MBNL1: variants seen among roughly 807,000 people sequenced by gnomAD.
The protein encoded by MBNL1 is muscleblind like splicing regulator 1.
Under a neutral mutation model 42.2 loss-of-function variants are expected in MBNL1, and 8 were observed. The ratio of observed to expected loss-of-function variants is 0.19; its 90% CI spans 0.11 to 0.34. The LOEUF (loss-of-function observed/expected upper bound fraction) is 0.34, where lower values mean the gene tolerates loss of function less well. MBNL1 is among the 10% of genes least tolerant of loss of function. The pLI is 1.00. For missense variants in MBNL1, 309 were observed against 495.3 expected (o/e 0.62, Z 3.57); for synonymous variants, 169 against 173.9 (o/e 0.97, Z 0.22).
intron 2 of MBNL1, among the ~76,000 whole-genome samples, chr3:152,401,567 A>G (rs1176195299): frequency 1.3e-5 from 2 of 152,152 alleles, no homozygotes; most frequent in Non-Finnish European, 2.9e-5. Flanking sequence ...AAGTGAAGGT[A>G]CGGCTTGGGC....
chr3:152,425,188 C>T (rs1477036709), intron 3 of MBNL1, among the ~76,000 whole-genome samples: 1 of 150,998 alleles, frequency 6.6e-6, no homozygotes, highest in Non-Finnish European at 1.5e-5. Context: ...CCAGAATCTA[C>T]AAATAACTTA....
intron 3 of MBNL1, among the ~76,000 whole-genome samples, chr3:152,417,793 C>G (rs1158931196): frequency 6.6e-6 from 1 of 152,182 alleles, no homozygotes; most frequent in Non-Finnish European, 1.5e-5. Flanking sequence ...AGCCCAGTTA[C>G]AGAGGCTGCA....
chr3:152,261,745 T>A (rs1171972365), intron 2 of MBNL1, among the ~76,000 whole-genome samples: 1 of 152,208 alleles, frequency 6.6e-6, no homozygotes, highest in Non-Finnish European at 1.5e-5. Flanking sequence ...ACAACAAACT[T>A]TCTCCTCATG....
chr3:152,372,391 T>A (rs2096705904), intron 2 of MBNL1, among the ~76,000 whole-genome samples: 1 of 152,204 alleles, frequency 6.6e-6, no homozygotes, highest in African/African-American at 2.4e-5. Flanking sequence ...GTTTTTGGAA[T>A]TTTCAGCCTT....
chr3:152,449,440 A>C (rs1029273063), intron 6 of MBNL1: 1 of 152,206 alleles, frequency 6.6e-6, no homozygotes, highest in Non-Finnish European at 1.5e-5. Flanking sequence ...CTATTTAAAG[A>C]AAGCTGAAAA....
At position 152,367,491 on chromosome 3, in the gene MBNL1, G is replaced by A. The variant is rs567418977; in HGVS notation, c.175-47450G>A. ...GGGAATAGTGCTGCAATAAATATAC[G>A]TGTTCATGTGTCTTTATAGTAGAAT... On this transcript the variant is annotated intron_variant, in intron 2 of 9. Transcript: ENST00000324210. Among the ~76,000 whole-genome samples, 22 of 152,190 alleles carry A rather than the reference G, an allele frequency of 1.4e-4. No individual in the cohort carries two copies. In the South Asian group the frequency reaches 1.7e-3, roughly 11 times the overall value.
chr3:152,363,098 G>T (rs1165434695), intron 2 of MBNL1, among the ~76,000 whole-genome samples: 1 of 152,140 alleles, frequency 6.6e-6, no homozygotes, highest in Non-Finnish European at 1.5e-5. Context: ...AGGAGAAATA[G>T]AATTGCATAT....
At chr3:152,270,459 C>CCAG (rs1296796417) in intron 1 of MBNL1, among the ~76,000 whole-genome samples, 2 of 152,142 alleles carry the variant, frequency 1.3e-5, no homozygotes, top group Non-Finnish European at 2.9e-5. Context: ...GTATTCTATA[C>CCAG]CAGCACAAGA....
chr3:152,377,280 TG>T (rs1488240786), intron 2 of MBNL1, among the ~76,000 whole-genome samples: 1 of 152,202 alleles, frequency 6.6e-6, no homozygotes, highest in African/African-American at 2.4e-5. Context: ...CCTTTGAATC[TG>T]GGTTGATTTG....
intron 2 of MBNL1, among the ~76,000 whole-genome samples, chr3:152,395,776 C>A: frequency 6.6e-6 from 1 of 152,210 alleles, no homozygotes; most frequent in East Asian, 1.9e-4. Flanking sequence ...GCCTTTACCC[C>A]AAACAGATTG....
intron 1 of MBNL1, among the ~76,000 whole-genome samples, chr3:152,296,536 T>G (rs1014887744): frequency 6.6e-5 from 10 of 152,250 alleles, no homozygotes; most frequent in African/African-American, 1.9e-4. Context: ...CTAATGAACA[T>G]GGAGAAAGAG....
intron 2 of MBNL1, among the ~76,000 whole-genome samples, chr3:152,412,149 A>G (rs1275600100): frequency 1.3e-5 from 2 of 152,246 alleles, no homozygotes; most frequent in African/African-American, 4.8e-5. Flanking sequence ...TGTATATTCT[A>G]ACTTATTTTT....
chr3:152,457,296 A>T (rs1474554339), intron 8 of MBNL1, among the ~76,000 whole-genome samples: 2 of 152,224 alleles, frequency 1.3e-5, no homozygotes, highest in Admixed American at 6.5e-5. Context: ...CATAGAGCCA[A>T]GCCACATTTC....
intron 2 of MBNL1, among the ~76,000 whole-genome samples, chr3:152,375,685 G>A (rs985043313): frequency 6.6e-6 from 1 of 152,032 alleles, no homozygotes; most frequent in Non-Finnish European, 1.5e-5. Context: ...CCAGGTCTTC[G>A]ATGTGTGCCT....
At chr3:152,443,180 AC>A (rs34456724) in intron 4 of MBNL1, among the ~76,000 whole-genome samples, 69,905 of 141,622 alleles carry the variant, frequency 0.49, 17,582 homozygotes, top group East Asian at 0.72. Flanking sequence ...ACCTGTAGAA[AC>A]CCCCCCCCCC....
At chr3:152,312,203 A>AC (rs1553805269) in intron 2 of MBNL1, among the ~76,000 whole-genome samples, 53 of 151,218 alleles carry the variant, frequency 3.5e-4, no homozygotes, top group South Asian at 1.7e-3. Context: ...AAAAAAAAAA[A>AC]AAAAAAAAAG....
chr3:152,367,484 A>G (rs2096457997), intron 2 of MBNL1, among the ~76,000 whole-genome samples: 1 of 152,196 alleles, frequency 6.6e-6, no homozygotes, highest in East Asian at 1.9e-4. Flanking sequence ...TGCTGCAATA[A>G]ATATACGTGT....
At chr3:152,300,985 A>G (rs1386672471) in intron 2 of MBNL1, 2 of 884,738 alleles carry the variant, frequency 2.3e-6, no homozygotes, top group Non-Finnish European at 2.7e-6. Flanking sequence ...TGAGTTATAT[A>G]AATAAGTAGA....
At chr3:152,315,511 T>C (rs1208513804) in intron 2 of MBNL1, among the ~76,000 whole-genome samples, 1 of 152,206 alleles carries the variant, frequency 6.6e-6, no homozygotes, top group Non-Finnish European at 1.5e-5. Flanking sequence ...TTCTTTTTGC[T>C]TACTACAGTT....
Sources: allele counts gnomAD v4.1 joint callset (sites outside exome capture counted in the v4.1 genomes callset), GRCh38; gene constraint gnomAD v4.1.1; transcripts MANE v1.5; gene names NCBI Gene and HGNC (gene_info 2026-07-23, HGNC 2026-07-21).